DHTKD1: variants seen among roughly 807,000 people sequenced by gnomAD.
DHTKD1 encodes dehydrogenase E1 and transketolase domain containing 1.
DHTKD1 carries 78 observed loss-of-function variants against 101.8 expected under a neutral mutation model. The ratio of observed to expected loss-of-function variants is 0.77; its 90% CI spans 0.64 to 0.93. DHTKD1 has a LOEUF of 0.93. Ranked by LOEUF, DHTKD1 falls within the 40% of genes least tolerant of loss-of-function variation. DHTKD1 has a pLI of 0.00. For missense variants in DHTKD1, 1,223 were observed against 1,161.7 expected (o/e 1.05, Z -0.77); for synonymous variants, 462 against 450.3 (o/e 1.03, Z -0.33).
rs1833548329 is a variant in DHTKD1, at chr10:12,122,978, AGATTTAT to A, written c.*2095_*2101del. On this transcript the variant is annotated 3_prime_UTR_variant, in exon 17 of 17. Transcript: ENST00000263035. ...TATAGGCTGTTCTAGCCACAGTGGT[AGATTTAT>A]GATTCACATCCGAAAGTGTGCCTTA... The A allele has an allele frequency of 6.6e-6, 1 of 152,234 alleles. No individual in the cohort carries two copies. The highest frequency in any genetic ancestry group is 1.5e-5 in the Non-Finnish European group (1 of 68,042). 9.4% of individuals were successfully genotyped at this position (152,234 alleles called of 1,614,324 possible).
chr10:12,113,534 G>A (rs1321962804), intron 13 of DHTKD1, among the ~76,000 whole-genome samples: 2 of 115,908 alleles, frequency 1.7e-5, no homozygotes, highest in Non-Finnish European at 4.2e-5. Flanking sequence ...AAGACTACCT[G>A]GAAAGATAGG....
At chr10:12,106,190 C>G in intron 10 of DHTKD1, 56 bp from the exon 11 acceptor site, 2 of 1,595,924 alleles carry the variant, frequency 1.3e-6, no homozygotes, top group Non-Finnish European at 1.7e-6. Flanking sequence ...TCGCAGGAGC[C>G]CAGTGCTCTG....
At chr10:12,104,382 T>A (rs1035287865) in intron 10 of DHTKD1, among the ~76,000 whole-genome samples, 1 of 152,146 alleles carries the variant, frequency 6.6e-6, no homozygotes, top group African/African-American at 2.4e-5. Context: ...TCTCGCCACA[T>A]TGGCCAGGCT....
At position 12,092,076 on chromosome 10, in the gene DHTKD1, C is replaced by T. The variant is rs142549999; in HGVS notation, c.1159+392C>T. Reference sequence around the variant, plus strand: ...TCGGCTTACTGCAACCTCCGCCTTTCAGGTTCAAGTGATTCTCATGCCTCA... The same window carrying T: ...TCGGCTTACTGCAACCTCCGCCTTTTAGGTTCAAGTGATTCTCATGCCTCA... On this transcript the variant is annotated intron_variant, in intron 6 of 16. Coordinates refer to ENST00000263035, the MANE Select transcript of DHTKD1 (RefSeq NM_018706.7). Among the ~76,000 whole-genome samples the T allele has an allele frequency of 4.4e-3, 661 of 151,246 alleles. 8 individuals are homozygous for T. Among genetic ancestry groups the T allele is most frequent in the African/African-American group, 0.012 (494 of 41,186 alleles).
intron 1 of DHTKD1, among the ~76,000 whole-genome samples, chr10:12,077,772 C>G (rs1037291181): frequency 6.6e-6 from 1 of 151,722 alleles, no homozygotes; most frequent in South Asian, 2.1e-4. Context: ...TACTCATGCT[C>G]TCTAGGGACA....
chr10:12,106,532 C>A, intron 11 of DHTKD1, 136 bp downstream of exon 11: 1 of 1,104,884 alleles, frequency 9.1e-7, no homozygotes, highest in Non-Finnish European at 1.3e-6. Context: ...GAGTTGGGGT[C>A]ACCCTGTTAT....
intron 1 of DHTKD1, among the ~76,000 whole-genome samples, chr10:12,075,263 T>G (rs1458101717): frequency 5.9e-5 from 9 of 152,114 alleles, no homozygotes; most frequent in Non-Finnish European, 1.3e-4. Context: ...CACTGCAGCC[T>G]CCGCCTTCTG....
chr10:12,087,394 T>C lies in DHTKD1; in HGVS notation c.523-141T>C. ...CCGCTGTGTCCGTGTTATGTCTCTC[T>C]CCGGGATATGTAGTAAAGTGGCATT... On this transcript the variant is annotated intron_variant, in intron 3 of 16. Transcript: ENST00000263035. The surrounding 1 kb of genome is among the most constrained non-coding windows in gnomAD (Gnocchi z 5.2). 1 of 637,722 alleles carries C rather than the reference T, an allele frequency of 1.6e-6. No homozygotes were observed. Among genetic ancestry groups the C allele is most frequent in the Non-Finnish European group, 2.7e-6 (1 of 373,478 alleles). 39.5% of individuals were successfully genotyped at this position (637,722 alleles called of 1,614,324 possible).
At chr10:12,108,083 G>A (rs995778924) in intron 12 of DHTKD1, 68 bp downstream of exon 12, 19 of 1,214,542 alleles carry the variant, frequency 1.6e-5, no homozygotes, top group Middle Eastern at 1.9e-4. Context: ...TACCTCCTGC[G>A]GATAGCTTAA....
At chr10:12,088,583 ACTT>A (rs1832939277) in intron 4 of DHTKD1, among the ~76,000 whole-genome samples, 1 of 151,958 alleles carries the variant, frequency 6.6e-6, no homozygotes, top group South Asian at 2.1e-4. Flanking sequence ...TTCCATGTAT[ACTT>A]ACTTATTTAT....
In DHTKD1 at chr10:12,100,159, C is replaced by G; in HGVS notation, c.1672-19C>G. On this transcript the variant is annotated intron_variant, in intron 8 of 16. Transcript: ENST00000263035. ...GGACTCTTAGACGTTCCTTTTTTTT[C>G]TTCCTCTGAATTTTACAGTCCAGAA... The G allele has an allele frequency of 6.8e-7, 1 of 1,474,888 alleles. No individual in the cohort carries two copies. 91.4% of individuals were successfully genotyped at this position (1,474,888 alleles called of 1,614,324 possible). A position where few individuals can be genotyped will look rare whatever the true frequency, so the allele number is the denominator to read the frequency against.
intron 1 of DHTKD1, among the ~76,000 whole-genome samples, chr10:12,073,043 T>A (rs1832674803): frequency 6.6e-6 from 1 of 150,994 alleles, no homozygotes; most frequent in African/African-American, 2.4e-5. Flanking sequence ...ACCTGTTTAT[T>A]TGTTTTTTTG....
chr10:12,119,466 A>G (rs1310385901), intron 15 of DHTKD1, among the ~76,000 whole-genome samples: 4 of 148,736 alleles, frequency 2.7e-5, no homozygotes, highest in African/African-American at 7.4e-5. Flanking sequence ...ATACAAAAAA[A>G]TTAGCCGGGC....
At position 12,080,892 on chromosome 10, in the gene DHTKD1, C is replaced by T. The variant is rs77802832; in HGVS notation, c.155-580C>T. Among the ~76,000 whole-genome samples, 1,423 of 151,642 alleles carry T rather than the reference C, an allele frequency of 9.4e-3. 33 individuals carry two copies. Among genetic ancestry groups the T allele is most frequent in the African/African-American group, 0.033 (1,346 of 41,386 alleles). On this transcript the variant is annotated intron_variant, in intron 1 of 16. Coordinates refer to ENST00000263035, the MANE Select transcript of DHTKD1 (RefSeq NM_018706.7). ...GACCAACCTGGGCAACATGGTTAAA[C>T]TCCATCTCAACCAAAAAAAAAAAAA...
At position 12,120,323 on chromosome 10, in the gene DHTKD1, TTTTC is replaced by T. The variant is rs912397287; in HGVS notation, c.2658+72_2658+75del. The T allele has an allele frequency of 8.8e-4, 1,267 of 1,442,830 alleles. 2 individuals carry two copies. Among genetic ancestry groups the T allele is most frequent in the African/African-American group, 8.2e-3 (560 of 68,674 alleles). 89.4% of individuals were successfully genotyped at this position (1,442,830 alleles called of 1,614,324 possible). A position where few individuals can be genotyped will look rare whatever the true frequency, so the allele number is the denominator to read the frequency against. On this transcript the variant is annotated intron_variant, in intron 16 of 16. Coordinates refer to ENST00000263035, the MANE Select transcript of DHTKD1 (RefSeq NM_018706.7). Reference sequence around the variant, plus strand: ...GTGTTTTGTGTGCATGTTGTTTTTCTTTTCTTTCTTTCTTTCTTTTTTTTTTTTG... The same window carrying T: ...GTGTTTTGTGTGCATGTTGTTTTTCTTTTCTTTCTTTCTTTTTTTTTTTTG...
rs1701489 is a variant in DHTKD1 at position 12,107,552 on chromosome 10, G to C, written c.2048-357G>C. On this transcript the variant is annotated intron_variant, in intron 11 of 16. Transcript: ENST00000263035. The surrounding 1 kb of genome is among the most constrained non-coding windows in gnomAD (Gnocchi z 4.1). ...CCCACCTCAGCCTCCCGAGTAGCTG[G>C]GACTACAGACATGTGCCACTACAGC... 0.88 allele frequency among the ~76,000 whole-genome samples: 134,456 copies of C among 152,000 alleles called. 59,664 individuals are homozygous for C. The highest frequency in any genetic ancestry group is 0.98 in the East Asian group (5,046 of 5,158).
rs1235038678 is a variant in DHTKD1 at position 12,081,357 on chromosome 10, A to T, written c.155-115A>T. 5 of 801,990 alleles carry T rather than the reference A, an allele frequency of 6.2e-6. No homozygotes were observed. In the African/African-American group the frequency reaches 8.7e-5, roughly 14 times the overall value. The allele number at this position is 801,990 out of a possible 1,614,324, so 49.7% of individuals were successfully genotyped here. A position where few individuals can be genotyped will look rare whatever the true frequency, so the allele number is the denominator to read the frequency against. On this transcript the variant is annotated intron_variant, in intron 1 of 16. Transcript: ENST00000263035. Reference sequence around the variant, plus strand: ...GCAAGACCCTGTCTCTAAAATAAATAAATAAATAAAAAGTAAGGTGTCTAG... The same window carrying T: ...GCAAGACCCTGTCTCTAAAATAAATTAATAAATAAAAAGTAAGGTGTCTAG...
rs186519523 is a variant in DHTKD1, at chr10:12,076,071, T to A, written c.155-5401T>A. Among the ~76,000 whole-genome samples the A allele has an allele frequency of 6.8e-4, 104 of 152,332 alleles. 1 individual carries two copies. The East Asian group carries it at 0.013, about 20-fold the overall frequency. ...TAGGGACAAATAGAACTGATTCTTA[T>A]AAGCACAAAGTCAACTGATGAGAGC... On this transcript the variant is annotated intron_variant, in intron 1 of 16. Coordinates refer to ENST00000263035, the MANE Select transcript of DHTKD1 (RefSeq NM_018706.7).
chr10:12,072,106 G>T (rs1036345991), intron 1 of DHTKD1, among the ~76,000 whole-genome samples: 1 of 152,064 alleles, frequency 6.6e-6, no homozygotes, highest in African/African-American at 2.4e-5. Flanking sequence ...GTTTATCTTG[G>T]CTAAAATAAA....
Sources: gnomAD v4.1 joint callset for allele counts (sites outside exome capture counted in the v4.1 genomes callset) on GRCh38, gnomAD v4.1.1 for gene constraint, Gnocchi (gnomAD v3.1) non-coding constraint, MANE v1.5 for transcripts, NCBI Gene and HGNC (gene_info 2026-07-23, HGNC 2026-07-21) for gene names.